The following TCF4 variants were observed in gnomAD, a reference collection of about 807,000 sequenced individuals.
TCF4 encodes transcription factor 4.
Under a neutral mutation model 82.1 loss-of-function variants are expected in TCF4, and 3 were observed. The observed-to-expected ratio is 0.04, with a 90% confidence interval of 0.02 to 0.09. TCF4 has a LOEUF of 0.09. Among genes scored for constraint, TCF4 ranks in the 10% least tolerant of loss-of-function variants. The probability of loss-of-function intolerance (pLI) is 1.00; values close to 1 mark genes in which losing one functional copy is unlikely to be tolerated. For synonymous variants in TCF4, 276 were observed against 309.6 expected, an observed-to-expected ratio of 0.89 and a Z score of 1.14; for missense variants, 518 against 852.7, an observed-to-expected ratio of 0.61 and a Z score of 4.89.
intron 5 of TCF4, 88 bp from the exon 6 acceptor site, chr18:55,403,606 C>T (rs886944869): frequency 1.9e-6 from 3 of 1,612,434 alleles, no homozygotes; most frequent in East Asian, 4.5e-5. Flanking sequence ...CTGCTCTTCC[C>T]CGATGTTTAC....
intron 6 of TCF4, among the ~76,000 whole-genome samples, chr18:55,379,504 C>T (rs1237583816): frequency 6.6e-6 from 1 of 152,094 alleles, no homozygotes; most frequent in Non-Finnish European, 1.5e-5. Flanking sequence ...GAAGCCTCCA[C>T]ATCAGAAAGC....
intron 3 of TCF4, among the ~76,000 whole-genome samples, chr18:55,565,406 T>C (rs1362738569): frequency 6.6e-6 from 1 of 151,908 alleles, no homozygotes; most frequent in African/African-American, 2.4e-5. Context: ...TACTGAAAGG[T>C]AGGCACAAGA....
intron 2 of TCF4, among the ~76,000 whole-genome samples, chr18:55,627,350 G>A (rs1375571178): frequency 6.6e-6 from 1 of 152,164 alleles, no homozygotes; most frequent in Non-Finnish European, 1.5e-5. Flanking sequence ...GTGCAGTAGA[G>A]GAAACAGACC....
chr18:55,384,511 C>CT (rs1415738532), intron 6 of TCF4, among the ~76,000 whole-genome samples: 1 of 152,156 alleles, frequency 6.6e-6, no homozygotes, highest in Non-Finnish European at 1.5e-5. Flanking sequence ...CCAACAAAAA[C>CT]TGGCATAGGG....
At chr18:55,592,251 G>A (rs7231408), upstream of TCF4, among the ~76,000 whole-genome samples, 880 of 152,262 alleles carry the variant, frequency 5.8e-3, 5 homozygotes, top group Non-Finnish European at 9.5e-3. Context: ...AGTCAATTCA[G>A]GCTGGCCAAA....
intron 3 of TCF4, among the ~76,000 whole-genome samples, chr18:55,524,674 C>T (rs1427907356): frequency 6.6e-6 from 1 of 152,148 alleles, no homozygotes; most frequent in Non-Finnish European, 1.5e-5. Flanking sequence ...AGTATGCTAA[C>T]CACCCCTTAG....
intron 5 of TCF4, among the ~76,000 whole-genome samples, chr18:55,455,179 C>CAAAAAAAAAAAAAA (rs35889370): frequency 1.2e-3 from 84 of 67,394 alleles, no homozygotes; most frequent in Non-Finnish European, 1.7e-3. Context: ...GACTCTGTCT[C>CAAAAAAAAAAAAAA]AAAAAAAAAA....
intron 8 of TCF4, among the ~76,000 whole-genome samples, chr18:55,293,930 A>AC (rs2065757325): frequency 4.4e-5 from 1 of 22,660 alleles, no homozygotes; most frequent in Non-Finnish European, 1.1e-4. Flanking sequence ...CTTTCCAAGG[A>AC]CTTTTTTTTT....
intron 3 of TCF4, among the ~76,000 whole-genome samples, chr18:55,568,241 T>C (rs985684602): frequency 4.8e-5 from 7 of 145,960 alleles, no homozygotes; most frequent in Admixed American, 4.1e-4. Flanking sequence ...ATTAATGAAG[T>C]AGAAAACACA....
chr18:55,421,031 A>G (rs1432759927), intron 5 of TCF4, among the ~76,000 whole-genome samples: 1 of 152,168 alleles, frequency 6.6e-6, no homozygotes, highest in Non-Finnish European at 1.5e-5. Context: ...TACAGGTGAA[A>G]TTCTACCATC....
intron 3 of TCF4, among the ~76,000 whole-genome samples, chr18:55,575,245 C>A (rs1293875512): frequency 6.6e-6 from 1 of 152,132 alleles, no homozygotes; most frequent in Admixed American, 6.5e-5. Context: ...CATAAGAGAA[C>A]AGAAAAGCAT....
chr18:55,265,501 A>G (rs978221600), intron 11 of TCF4: 2 of 152,164 alleles, frequency 1.3e-5, no homozygotes, highest in Non-Finnish European at 2.9e-5. Flanking sequence ...CTGATCGTGC[A>G]CAGGAAATGG....
chr18:55,388,906 G>A (rs1218800015), intron 6 of TCF4, among the ~76,000 whole-genome samples: 2 of 151,982 alleles, frequency 1.3e-5, no homozygotes, highest in South Asian at 2.1e-4. Context: ...GGTGGATCAC[G>A]AGGTCAGGAG....
intron 3 of TCF4, among the ~76,000 whole-genome samples, chr18:55,534,992 T>A (rs1452922336): frequency 6.6e-6 from 1 of 152,202 alleles, no homozygotes; most frequent in Non-Finnish European, 1.5e-5. Flanking sequence ...CACAGGGAAT[T>A]CTTGTCATCA....
At chr18:55,336,421 TTAAC>T (rs1412887769) in intron 8 of TCF4, among the ~76,000 whole-genome samples, 7 of 152,064 alleles carry the variant, frequency 4.6e-5, no homozygotes, top group African/African-American at 1.7e-4. Flanking sequence ...TTTATGATCT[TTAAC>T]TAGAAAATAC....
intron 3 of TCF4, among the ~76,000 whole-genome samples, chr18:55,540,126 A>G (rs1288520591): frequency 1.3e-5 from 2 of 152,072 alleles, no homozygotes; most frequent in African/African-American, 4.8e-5. Context: ...TTCTTAGAGG[A>G]GTTTCATTAA....
At chr18:55,587,211 G>T in intron 1 of TCF4, 75 bp from the exon 2 acceptor site, 1 of 495,858 alleles carries the variant, frequency 2.0e-6, no homozygotes, top group Non-Finnish European at 3.1e-6. Context: ...GATTTTTGGA[G>T]ACTGGGGGGT....
At chr18:55,446,975 ACT>A (rs1242937223) in intron 5 of TCF4, among the ~76,000 whole-genome samples, 1 of 135,850 alleles carries the variant, frequency 7.4e-6, no homozygotes, top group Admixed American at 7.8e-5. Context: ...ACAGAGCGAG[ACT>A]CTGTCTCAAA....
At chr18:55,585,971 A>G in intron 2 of TCF4, 2 of 1,318,822 alleles carry the variant, frequency 1.5e-6, no homozygotes, top group African/African-American at 1.5e-5. Context: ...GATAATGCAC[A>G]CCTTCCCTGA....
Sources: allele counts gnomAD v4.1 joint callset (sites outside exome capture counted in the v4.1 genomes callset), GRCh38; gene constraint gnomAD v4.1.1; transcripts MANE v1.5; gene names NCBI Gene and HGNC (gene_info 2026-07-23, HGNC 2026-07-21).